SIK3: variants seen among roughly 807,000 people sequenced by gnomAD.
The protein encoded by SIK3 is serine/threonine-protein kinase SIK3.
Under a neutral mutation model 144.2 loss-of-function variants are expected in SIK3, and 28 were observed. The ratio of observed to expected loss-of-function variants is 0.19; its 90% CI spans 0.14 to 0.27. The LOEUF (loss-of-function observed/expected upper bound fraction) is 0.27, where lower values mean the gene tolerates loss of function less well. Ranked by LOEUF, SIK3 falls within the 10% of genes least tolerant of loss-of-function variation. The probability of loss-of-function intolerance (pLI) is 1.00; values close to 1 mark genes in which losing one functional copy is unlikely to be tolerated. For synonymous variants in SIK3, 686 were observed against 676.3 expected, an observed-to-expected ratio of 1.01 and a Z score of -0.22; for missense variants, 1,319 against 1,776.0, an observed-to-expected ratio of 0.74 and a Z score of 4.62.
In SIK3 at chr11:117,098,370, C is replaced by T. The variant is rs1410140235; in HGVS notation, c.46G>A (p.Gly16Arg). The T allele has an allele frequency of 8.5e-7, 1 of 1,169,896 alleles. No homozygotes were observed. The highest frequency in any genetic ancestry group is 1.1e-6 in the Non-Finnish European group (1 of 950,002). 72.5% of individuals were successfully genotyped at this position (1,169,896 alleles called of 1,614,324 possible). A position where few individuals can be genotyped will look rare whatever the true frequency, so the allele number is the denominator to read the frequency against. The change falls in exon 1 of 25, where the codon GGG (glycine) becomes AGG (arginine). Residue 16 changes from glycine (G) to arginine (R), a missense_variant. This residue lies in a region of SIK3 where 114 missense variants were observed against 116.2 expected (regional missense o/e 0.98). Coordinates refer to ENST00000445177, the MANE Select transcript of SIK3 (RefSeq NM_001366686.3). ...CCCGCGGGCCCGGCTCCCCCAGTCC[C>T]GGCCCCGGCAGCCCCGCCAGCTCCG... ...ASGAGGAAGAGTGGAGPAGRL... is the reference protein window; with the variant it reads ...ASGAGGAAGARTGGAGPAGRL...
In SIK3 at chr11:116,855,992, T is replaced by C. The variant is rs544809557; in HGVS notation, c.3655+1818A>G. ...GCGTGCGGATCACGAGGTCAGGAGA[T>C]CGAGACCATCCTGGCTAACACGGTG... On this transcript the variant is annotated intron_variant, in intron 21 of 24. Coordinates refer to ENST00000445177, the MANE Select transcript of SIK3 (RefSeq NM_001366686.3). 5.3e-5 allele frequency among the ~76,000 whole-genome samples: 8 copies of C among 152,134 alleles called. No homozygotes were observed. The East Asian group carries it at 1.5e-3, about 29-fold the overall frequency.
At chr11:116,942,433 C>T (rs1948363267) in intron 3 of SIK3, among the ~76,000 whole-genome samples, 1 of 152,062 alleles carries the variant, frequency 6.6e-6, no homozygotes, top group African/African-American at 2.4e-5. Flanking sequence ...ATGACAAAGT[C>T]TTTAATGGCA....
chr11:116,953,103 A>ACAC (rs1565494576), intron 3 of SIK3, among the ~76,000 whole-genome samples: 1 of 151,258 alleles, frequency 6.6e-6, no homozygotes, highest in African/African-American at 2.4e-5. Context: ...TAAAAACACA[A>ACAC]ACACACACAC....
chr11:116,865,205 A>G (rs1253262568), intron 15 of SIK3: 1 of 151,330 alleles, frequency 6.6e-6, no homozygotes. Flanking sequence ...TTTGATTCCT[A>G]TGCTTTCAAT....
chr11:116,972,254 G>A (rs548680105), intron 1 of SIK3, among the ~76,000 whole-genome samples: 35 of 152,208 alleles, frequency 2.3e-4, no homozygotes, highest in Admixed American at 7.9e-4. Flanking sequence ...GGCAGGAATC[G>A]AAGCCAGACA....
intron 1 of SIK3, among the ~76,000 whole-genome samples, chr11:116,964,238 G>A (rs1183519630): frequency 2.6e-5 from 4 of 152,112 alleles, no homozygotes; most frequent in African/African-American, 4.8e-5. Flanking sequence ...TGGTCTCAAT[G>A]GATCCTCCCA....
rs1565345456 is a variant in SIK3, at chr11:116,844,629, AATATAT to A, written c.*1008_*1013del. The stretch of plus-strand genomic sequence containing the variant: ...TATATTATATATATAATATATATAT[AATATAT>A]TATATTATATATTATATATATAATA... On this transcript the variant is annotated 3_prime_UTR_variant, in exon 25 of 25. Transcript: ENST00000445177. The A allele has an allele frequency of 7.1e-5, 3 of 42,458 alleles. No individual in the cohort carries two copies. Among genetic ancestry groups the A allele is most frequent in the Non-Finnish European group, 1.3e-4 (3 of 23,728 alleles). 2.6% of individuals were successfully genotyped at this position (42,458 alleles called of 1,614,324 possible). A position where few individuals can be genotyped will look rare whatever the true frequency, so the allele number is the denominator to read the frequency against.
At chr11:117,091,709 C>T (rs965273798) in intron 1 of SIK3, among the ~76,000 whole-genome samples, 1 of 152,198 alleles carries the variant, frequency 6.6e-6, no homozygotes, top group African/African-American at 2.4e-5. Context: ...GAACTCCTCC[C>T]TTGTGCCAAG....
At chr11:117,016,430 A>AC (rs1408378584) in intron 1 of SIK3, among the ~76,000 whole-genome samples, 1 of 150,590 alleles carries the variant, frequency 6.6e-6, no homozygotes, top group African/African-American at 2.5e-5. Context: ...GAAGGAAGGA[A>AC]GGAAGGAAGG....
intron 1 of SIK3, among the ~76,000 whole-genome samples, chr11:117,068,713 C>A (rs1954128325): frequency 6.6e-6 from 1 of 152,214 alleles, no homozygotes; most frequent in Admixed American, 6.5e-5. Flanking sequence ...ATAAATGCAC[C>A]ACTGCACTCC....
chr11:116,951,891 G>A (rs537458192), intron 3 of SIK3, among the ~76,000 whole-genome samples: 2 of 151,034 alleles, frequency 1.3e-5, no homozygotes, highest in South Asian at 2.1e-4. Context: ...CTGTGATCCC[G>A]TTACTGCACT....
chr11:117,095,742 C>T lies in SIK3; in HGVS notation c.273+2401G>A, dbSNP rs1221192600. ...ACGTGACAACTCCTTGTGAATTAAG[C>T]TTCACTCATGTAGTCAGAGTAATTT... On this transcript the variant is annotated intron_variant, in intron 1 of 24. Transcript: ENST00000445177. Among the ~76,000 whole-genome samples the T allele has an allele frequency of 2.6e-5, 4 of 152,324 alleles. No homozygotes were observed. In the East Asian group the frequency reaches 7.7e-4, roughly 29 times the overall value.
chr11:116,996,129 A>C (rs1950656638), intron 1 of SIK3, among the ~76,000 whole-genome samples: 1 of 151,852 alleles, frequency 6.6e-6, no homozygotes, highest in Non-Finnish European at 1.5e-5. Context: ...CCAACATGGC[A>C]AAACCCTGTC....
Position 116,857,930 on chromosome 11 carries a change from C to A in SIK3, c.3535G>T (p.Gly1179Cys). 6.2e-7 allele frequency: 1 copy of A among 1,614,194 alleles called. No homozygotes were observed. Among genetic ancestry groups the A allele is most frequent in the Non-Finnish European group, 8.5e-7 (1 of 1,180,034 alleles). Residue 1179 changes from glycine to cysteine, a missense_variant, in exon 21 of 25, where the codon GGT becomes TGT. By Grantham distance (159) the Gly-to-Cys change is radical. Transcript: ENST00000445177. ...CHDSPLLLST[G>C]GPGDPESLLG... ...AAAGATTCAGGGTCCCCAGGTCCAC[C>A]GGTACTCAAGAGCAGAGGGCTGTCA... is the stretch of plus-strand genomic sequence containing the variant.
intron 1 of SIK3, among the ~76,000 whole-genome samples, chr11:116,990,993 G>A (rs767183892): frequency 1.8e-4 from 27 of 152,188 alleles, no homozygotes; most frequent in Non-Finnish European, 3.2e-4. Flanking sequence ...ATATTATCCC[G>A]TTCAATCAAA....
At chr11:116,962,692 C>A (rs188015286) in intron 1 of SIK3, among the ~76,000 whole-genome samples, 1 of 152,202 alleles carries the variant, frequency 6.6e-6, no homozygotes, top group East Asian at 1.9e-4. Context: ...CAGTGTAATA[C>A]AGTAGGCACC....
At chr11:117,067,526 A>G (rs1051178017) in intron 1 of SIK3, among the ~76,000 whole-genome samples, 3 of 152,188 alleles carry the variant, frequency 2.0e-5, no homozygotes, top group Non-Finnish European at 4.4e-5. Context: ...GGAGGATGAG[A>G]ATGAATGCAA....
rs746843103 is a variant in SIK3, at chr11:116,896,374, G to A, written c.744C>T (p.Ser248=). The change falls in exon 6 of 25, where the codon AGC becomes AGT. Residue 248 remains serine (S), a splice_region_variant and synonymous_variant. Transcript: ENST00000445177. ...EYDGPKVDIW[S]LGVVLYVLVC... ...CAAGCACGTAGAGGACAACTCCAAGGCTCTGCATCCCAAACAGAGAGGATG... is the reference window on the plus strand; with the variant it reads ...CAAGCACGTAGAGGACAACTCCAAGACTCTGCATCCCAAACAGAGAGGATG... 1 of 1,613,376 alleles carries A rather than the reference G, an allele frequency of 6.2e-7. No individual in the cohort carries two copies. Among genetic ancestry groups the A allele is most frequent in the Non-Finnish European group, 8.5e-7 (1 of 1,179,480 alleles).
chr11:116,860,316 G>C (rs1943250404), intron 19 of SIK3, among the ~76,000 whole-genome samples: 1 of 152,012 alleles, frequency 6.6e-6, no homozygotes, highest in Non-Finnish European at 1.5e-5. Context: ...CAATATTGGT[G>C]GCTGGGGGAC....
Sources: allele counts gnomAD v4.1 joint callset (sites outside exome capture counted in the v4.1 genomes callset), GRCh38; gene constraint gnomAD v4.1.1; regional missense constraint gnomAD v4.1.1; transcripts MANE v1.5; gene names NCBI Gene and HGNC (gene_info 2026-07-23, HGNC 2026-07-21).